Variants in PTPRK observed in about 807,000 individuals in gnomAD.
PTPRK encodes the protein protein tyrosine phosphatase receptor type K.
A neutral mutation model predicts 178.0 loss-of-function variants in PTPRK; 75 were observed. The ratio of observed to expected loss-of-function variants is 0.42; its 90% CI spans 0.35 to 0.51. PTPRK has a LOEUF of 0.51. Among genes scored for constraint, PTPRK ranks in the 20% least tolerant of loss-of-function variants. The probability of loss-of-function intolerance (pLI) is 0.02; values close to 1 mark genes in which losing one functional copy is unlikely to be tolerated. For synonymous variants in PTPRK, 637 were observed against 620.6 expected (o/e 1.03, Z -0.39); for missense variants, 1,441 against 1,797.8 (o/e 0.80, Z 3.59).
intron 22 of PTPRK, among the ~76,000 whole-genome samples, chr6:127,984,237 T>G (rs1195131316): frequency 6.6e-6 from 1 of 152,228 alleles, no homozygotes; most frequent in Non-Finnish European, 1.5e-5. Context: ...ATTTATGTTG[T>G]GAACATTCAG....
intron 14 of PTPRK, among the ~76,000 whole-genome samples, chr6:128,006,303 T>G (rs1427073927): frequency 6.6e-6 from 1 of 151,040 alleles, no homozygotes; most frequent in Non-Finnish European, 1.5e-5. Flanking sequence ...AAAAATAACA[T>G]GCTGGTATTT....
intron 5 of PTPRK, chr6:128,238,184 C>CAA: frequency 8.6e-6 from 2 of 232,720 alleles, no homozygotes; most frequent in Non-Finnish European, 1.6e-5. Context: ...GTAGCAAACG[C>CAA]CAAAAAAAAA....
At chr6:128,102,146 T>C (rs1788898287) in intron 7 of PTPRK, among the ~76,000 whole-genome samples, 1 of 152,162 alleles carries the variant, frequency 6.6e-6, no homozygotes, top group African/African-American at 2.4e-5. Context: ...TTGCAATATA[T>C]AGCAGATTTT....
At chr6:128,190,589 C>T (rs1212899394) in intron 6 of PTPRK, among the ~76,000 whole-genome samples, 2 of 146,528 alleles carry the variant, frequency 1.4e-5, no homozygotes, top group African/African-American at 5.1e-5. Context: ...ACCTTGGCCT[C>T]CCAGGGTCAA....
Position 127,991,303 on chromosome 6 carries a change from C to T in PTPRK, c.2970G>A (p.Glu990=). Residue 990 remains glutamate (E), a synonymous_variant, in exon 20 of 30, where the codon GAG becomes GAA. Coordinates refer to ENST00000368226, the MANE Select transcript of PTPRK (RefSeq NM_002844.4). ...TTTTTCTTCCTCTTACCCGGCCAAC[C>T]TCAACTAAATTTGTAACCATCACAA... ...ACIVMVTNLV[E]VGRVKCYKYW... 1 of 1,591,330 alleles carries T rather than the reference C, an allele frequency of 6.3e-7. No individual in the cohort carries two copies.
chr6:128,024,628 G>T (rs1368654617), intron 13 of PTPRK, among the ~76,000 whole-genome samples: 2 of 151,982 alleles, frequency 1.3e-5, no homozygotes, highest in East Asian at 3.9e-4. Flanking sequence ...GGCCAACATG[G>T]TGAAACCCCA....
At chr6:128,391,688 T>A (rs142261652) in intron 2 of PTPRK, among the ~76,000 whole-genome samples, 1 of 152,088 alleles carries the variant, frequency 6.6e-6, no homozygotes, top group African/African-American at 2.4e-5. Context: ...TAGTAACTGA[T>A]CACTGTTCCC....
intron 7 of PTPRK, among the ~76,000 whole-genome samples, chr6:128,131,787 T>C (rs1794279469): frequency 6.6e-6 from 1 of 152,220 alleles, no homozygotes; most frequent in Non-Finnish European, 1.5e-5. Flanking sequence ...GTTTTTTCAC[T>C]GTGTTTATTT....
intron 10 of PTPRK, among the ~76,000 whole-genome samples, chr6:128,079,835 G>A (rs1300260073): frequency 6.6e-6 from 1 of 152,060 alleles, no homozygotes; most frequent in Non-Finnish European, 1.5e-5. Context: ...GTGGCCAAAA[G>A]TGGAAGACCA....
rs77699614 is a variant in PTPRK at position 128,120,785 on chromosome 6, A to G, written c.1163-30793T>C. The stretch of plus-strand genomic sequence containing the variant: ...GTATTTCAACATGTACTTAATTTCA[A>G]TTGTTATAGGGAATATAACGCTAAA... On this transcript the variant is annotated intron_variant, in intron 7 of 29. Transcript: ENST00000368226. Among the ~76,000 whole-genome samples the G allele has an allele frequency of 1.1e-4, 16 of 152,010 alleles. No homozygotes were observed. In the East Asian group the frequency reaches 2.9e-3, roughly 27 times the overall value.
intron 1 of PTPRK, among the ~76,000 whole-genome samples, chr6:128,415,328 T>A (rs1472642980): frequency 6.6e-6 from 1 of 152,176 alleles, no homozygotes; most frequent in Non-Finnish European, 1.5e-5. Context: ...AAAATCTGGA[T>A]GAGGAATCAT....
rs186683614 is a variant in PTPRK at position 128,063,878 on chromosome 6, C to T, written c.2194+880G>A. On this transcript the variant is annotated intron_variant, in intron 13 of 29. Transcript: ENST00000368226. ...GAGAAAACTGATGAAAGGAAAGATG[C>T]CAGTACAAACAGAATATGGCCATTG... 5.9e-5 allele frequency among the ~76,000 whole-genome samples: 9 copies of T among 152,200 alleles called. No homozygotes were observed. The East Asian group carries it at 1.5e-3, about 26-fold the overall frequency.
In PTPRK at chr6:128,151,043, T is replaced by TA. The variant is rs201194258; in HGVS notation, c.1162+33388dup. On this transcript the variant is annotated intron_variant, in intron 7 of 29. Coordinates refer to ENST00000368226, the MANE Select transcript of PTPRK (RefSeq NM_002844.4). ...AACAAAATATTAAAGGAATATAAGG[T>TA]AAAAAAAAGTAATTTTGATTGATAT... Among the ~76,000 whole-genome samples, 18 of 151,798 alleles carry TA rather than the reference T, an allele frequency of 1.2e-4. No homozygotes were observed. The East Asian group carries it at 1.4e-3, about 11-fold the overall frequency.
At chr6:128,342,225 C>A (rs531011405) in intron 2 of PTPRK, among the ~76,000 whole-genome samples, 1 of 151,972 alleles carries the variant, frequency 6.6e-6, no homozygotes, top group East Asian at 1.9e-4. Flanking sequence ...TGCACTCAAG[C>A]CTGGGTGACA....
intron 2 of PTPRK, among the ~76,000 whole-genome samples, chr6:128,378,668 T>C (rs1347509991): frequency 6.6e-6 from 1 of 152,104 alleles, no homozygotes; most frequent in Non-Finnish European, 1.5e-5. Flanking sequence ...ACTGCTAATG[T>C]ATATGCATAA....
At chr6:128,256,490 T>C (rs1371572295) in intron 3 of PTPRK, among the ~76,000 whole-genome samples, 2 of 151,626 alleles carry the variant, frequency 1.3e-5, no homozygotes, top group Non-Finnish European at 2.9e-5. Context: ...GTTGCCAGGT[T>C]GGAGTGCAGT....
At chr6:128,199,007 T>C (rs1001046384) in intron 6 of PTPRK, among the ~76,000 whole-genome samples, 1 of 152,220 alleles carries the variant, frequency 6.6e-6, no homozygotes. Flanking sequence ...TGAAACTTTA[T>C]GCTTGCAAGG....
rs1416067008 is a variant in PTPRK, at chr6:128,509,770, T to G, written c.100+10489A>C. 2.6e-5 allele frequency among the ~76,000 whole-genome samples: 4 copies of G among 152,176 alleles called. No homozygotes were observed. The East Asian group carries it at 7.8e-4, about 30-fold the overall frequency. The stretch of plus-strand genomic sequence containing the variant: ...AGTGACAGAGCTTAAGACTGGAACA[T>G]AAGTCCTCCTGTAGCAAGGCCAGTG... On this transcript the variant is annotated intron_variant, in intron 1 of 29. Transcript: ENST00000368226.
intron 19 of PTPRK, among the ~76,000 whole-genome samples, 179 bp from the exon 20 acceptor site, chr6:127,991,570 G>A: frequency 1.4e-5 from 2 of 142,776 alleles, no homozygotes; most frequent in Non-Finnish European, 1.5e-5. Context: ...CAAAAACACA[G>A]GCATATACAA....
Sources: gnomAD v4.1 joint callset for allele counts (sites outside exome capture counted in the v4.1 genomes callset) on GRCh38, gnomAD v4.1.1 for gene constraint, MANE v1.5 for transcripts, NCBI Gene and HGNC (gene_info 2026-07-23, HGNC 2026-07-21) for gene names.